MLXIP: variants seen among roughly 807,000 people sequenced by gnomAD.
The protein encoded by MLXIP is MLX interacting protein.
MLXIP carries 30 observed loss-of-function variants against 87.2 expected under a neutral mutation model. The ratio of observed to expected loss-of-function variants is 0.34; its 90% confidence interval spans 0.26 to 0.47. The LOEUF (loss-of-function observed/expected upper bound fraction) is 0.47. MLXIP is among the 20% of genes least tolerant of loss of function. The probability of loss-of-function intolerance (pLI) is 1.00; values close to 1 mark genes in which losing one functional copy is unlikely to be tolerated. For missense variants in MLXIP, 1,002 were observed against 1,240.1 expected (o/e 0.81, Z 2.88); for synonymous variants, 530 against 514.0 (o/e 1.03, Z -0.42).
Position 122,120,908 on chromosome 12 carries a change from C to T in MLXIP, c.414-6348C>T, listed in dbSNP as rs143082053. Among the ~76,000 whole-genome samples the T allele has an allele frequency of 3.4e-4, 51 of 151,984 alleles. No individual in the cohort carries two copies. The East Asian group carries it at 8.7e-3, about 26-fold the overall frequency. On this transcript the variant is annotated intron_variant, in intron 1 of 16. Transcript: ENST00000319080. ...AGAAGCACCAGGAATGGTGAAGAAA[C>T]GTTGTCCCATGACAAACAAATATGG...
chr12:122,128,149 C>T (rs1952912142), intron 3 of MLXIP, 181 bp downstream of exon 3: 4 of 584,346 alleles, frequency 6.8e-6, no homozygotes, highest in Admixed American at 3.0e-5. Flanking sequence ...CCCCAGGCTG[C>T]AGAGCCTCCC....
Position 122,127,371 on chromosome 12 carries a change from C to T in MLXIP, c.520+9C>T, listed in dbSNP as rs1441158886. On this transcript the variant is annotated intron_variant, in intron 2 of 16. Transcript: ENST00000319080. ...GGCCTGGTACATGCAGTGTAAGTGC[C>T]GCCCAGCCTGGGCGCCGGTGGTGGT... 2.1e-5 allele frequency: 33 copies of T among 1,593,600 alleles called. No individual in the cohort carries two copies. Among genetic ancestry groups the T allele is most frequent in the East Asian group, 9.0e-5 (4 of 44,428 alleles).
intron 15 of MLXIP, among the ~76,000 whole-genome samples, chr12:122,139,910 G>A (rs1291589326): frequency 3.3e-5 from 5 of 152,200 alleles, no homozygotes; most frequent in Non-Finnish European, 1.5e-5. Context: ...CTGACCTCAG[G>A]TGATCCCCCT....
At chr12:122,094,480 GGT>G (rs1298610332) in intron 1 of MLXIP, among the ~76,000 whole-genome samples, 235 of 128,846 alleles carry the variant, frequency 1.8e-3, no homozygotes, top group Non-Finnish European at 2.8e-3. Context: ...TTGGTGTGTG[GGT>G]GTGTGTTTGC....
Position 122,083,144 on chromosome 12 carries a change from C to G in MLXIP, c.413+3878C>G, listed in dbSNP as rs532742818. Among the ~76,000 whole-genome samples, 118 of 152,246 alleles carry G rather than the reference C, an allele frequency of 7.8e-4. 1 individual carries two copies. The highest frequency in any genetic ancestry group is 2.9e-3 in the South Asian group (14 of 4,822). ...CCCCACCTACAGATTCTGAACACTT[C>G]TAGTGTGTACCTTTTTGTGGTTGGT... On this transcript the variant is annotated intron_variant, in intron 1 of 16. Coordinates refer to ENST00000319080, the MANE Select transcript of MLXIP (RefSeq NM_014938.6).
At chr12:122,120,205 C>G (rs1322272825) in intron 1 of MLXIP, among the ~76,000 whole-genome samples, 1 of 151,510 alleles carries the variant, frequency 6.6e-6, no homozygotes, top group East Asian at 1.9e-4. Flanking sequence ...CCCTTCCTTC[C>G]CCTTCTCTTT....
chr12:122,098,858 C>T (rs1205810750), intron 1 of MLXIP, among the ~76,000 whole-genome samples: 1 of 152,204 alleles, frequency 6.6e-6, no homozygotes, highest in African/African-American at 2.4e-5. Context: ...GGGAGGAGGA[C>T]CACTGGTTCC....
At chr12:122,087,550 G>A (rs1489065536) in intron 1 of MLXIP, among the ~76,000 whole-genome samples, 1 of 152,212 alleles carries the variant, frequency 6.6e-6, no homozygotes, top group Non-Finnish European at 1.5e-5. Flanking sequence ...CTTCGCTGGA[G>A]TGAGCTTGGC....
At chr12:122,127,183 C>T (rs768795588) in intron 1 of MLXIP, 73 bp from the exon 2 acceptor site, 87 of 1,186,508 alleles carry the variant, frequency 7.3e-5, no homozygotes, top group Middle Eastern at 1.9e-4. Context: ...CTGGAATGAT[C>T]GGGTGGCACT....
At chr12:122,122,769 G>A (rs1053407943) in intron 1 of MLXIP, among the ~76,000 whole-genome samples, 26 of 151,774 alleles carry the variant, frequency 1.7e-4, no homozygotes, top group African/African-American at 6.3e-4. Context: ...GGATGGTCTC[G>A]ATCTCTTGAC....
At position 122,079,209 on chromosome 12, in the gene MLXIP, A is replaced by G. The variant is rs1387677713; in HGVS notation, c.356A>G (p.His119Arg). Residue 119 changes from histidine (H) to arginine (R), a missense_variant, in exon 1 of 17, where the codon CAC (histidine) becomes CGC (arginine). This residue lies in a region of MLXIP where 127 missense variants were observed against 239.0 expected (regional missense o/e 0.53). Coordinates refer to ENST00000319080, the MANE Select transcript of MLXIP (RefSeq NM_014938.6). Reference protein sequence around the residue: ...TYSFGKTSSCHLSIDASLTKL... With the variant: ...TYSFGKTSSCRLSIDASLTKL... ...AGCTTCGGCAAGACTAGCTCCTGCCACCTGTCCATCGACGCCTCGCTCACC... is the reference window on the plus strand; with the variant it reads ...AGCTTCGGCAAGACTAGCTCCTGCCGCCTGTCCATCGACGCCTCGCTCACC... The G allele has an allele frequency of 5.2e-6, 8 of 1,551,206 alleles. No individual in the cohort carries two copies. Among genetic ancestry groups the G allele is most frequent in the Non-Finnish European group, 7.0e-6 (8 of 1,146,826 alleles).
intron 1 of MLXIP, among the ~76,000 whole-genome samples, chr12:122,116,088 A>ACACAC (rs1565973946): frequency 6.9e-6 from 1 of 145,942 alleles, no homozygotes; most frequent in African/African-American, 2.5e-5. Context: ...ACACACACAC[A>ACACAC]ACATTGACAT....
At chr12:122,089,812 C>A (rs1447163121) in intron 1 of MLXIP, among the ~76,000 whole-genome samples, 1 of 152,182 alleles carries the variant, frequency 6.6e-6, no homozygotes. Context: ...TGAGGAGACA[C>A]CTAGTACCTT....
At chr12:122,080,483 C>T (rs1316959639) in intron 1 of MLXIP, among the ~76,000 whole-genome samples, 2 of 152,172 alleles carry the variant, frequency 1.3e-5, no homozygotes, top group South Asian at 2.1e-4. Context: ...ATATTAGATA[C>T]TTAGCCCTGG....
intron 1 of MLXIP, among the ~76,000 whole-genome samples, chr12:122,107,088 C>A (rs1165894459): frequency 2.6e-5 from 4 of 152,150 alleles, no homozygotes; most frequent in Non-Finnish European, 5.9e-5. Context: ...TCGCCCTCTC[C>A]CAGGTTGTCC....
At chr12:122,136,387 T>TA (rs34230010) in intron 11 of MLXIP, 6,265 of 140,794 alleles carry the variant, frequency 0.044, 183 homozygotes, top group South Asian at 0.09. Context: ...CTAAGGCAGG[T>TA]GGATCACTTG....
At chr12:122,117,556 A>T (rs942929194) in intron 1 of MLXIP, among the ~76,000 whole-genome samples, 2 of 152,256 alleles carry the variant, frequency 1.3e-5, no homozygotes, top group African/African-American at 4.8e-5. Context: ...TGATCCTCAT[A>T]TCTGGATCTG....
intron 1 of MLXIP, among the ~76,000 whole-genome samples, chr12:122,093,045 ATGG>A (rs1350359834): frequency 3.2e-5 from 4 of 126,242 alleles, no homozygotes; most frequent in Admixed American, 2.4e-4. Context: ...GTGTGTGTGT[ATGG>A]TGTGTGTGGT....
chr12:122,092,732 G>A (rs1229125329), intron 1 of MLXIP, among the ~76,000 whole-genome samples: 1 of 152,172 alleles, frequency 6.6e-6, no homozygotes, highest in African/African-American at 2.4e-5. Context: ...TTTTGGGATG[G>A]GGGAAAGGGA....
Sources: gnomAD v4.1 joint callset for allele counts (sites outside exome capture counted in the v4.1 genomes callset) on GRCh38, gnomAD v4.1.1 for gene constraint, gnomAD v4.1.1 regional missense constraint, MANE v1.5 for transcripts, NCBI Gene and HGNC (gene_info 2026-07-23, HGNC 2026-07-21) for gene names.